The following CTNNA2 variants were observed in gnomAD, a reference collection of about 807,000 sequenced individuals.
The protein encoded by CTNNA2 is catenin alpha-2.
In CTNNA2, 42 loss-of-function variants were observed where a neutral mutation model predicts 101.0. The observed-to-expected ratio is 0.42, with a 90% CI of 0.32 to 0.54. CTNNA2 has a LOEUF of 0.54. Ranked by LOEUF, CTNNA2 falls within the 20% of genes least tolerant of loss-of-function variation. The pLI is 0.14. For synonymous variants in CTNNA2, 450 were observed against 456.4 expected, an observed-to-expected ratio of 0.99 and a Z score of 0.18; for missense variants, 871 against 1,223.1, an observed-to-expected ratio of 0.71 and a Z score of 4.29.
At chr2:79,449,178 A>G (rs1558669099) in intron 4 of CTNNA2, among the ~76,000 whole-genome samples, 1 of 152,046 alleles carries the variant, frequency 6.6e-6, no homozygotes, top group Non-Finnish European at 1.5e-5. Flanking sequence ...AATTGGGAGT[A>G]TAAGGCAGGA....
intron 2 of CTNNA2, among the ~76,000 whole-genome samples, chr2:79,691,318 C>T (rs1171413888): frequency 6.6e-6 from 1 of 151,630 alleles, no homozygotes; most frequent in Non-Finnish European, 1.5e-5. Flanking sequence ...AGTCAGTGAC[C>T]TCCTACATTT....
intron 2 of CTNNA2, among the ~76,000 whole-genome samples, chr2:79,265,524 C>A (rs1573005896): frequency 6.6e-6 from 1 of 152,244 alleles, no homozygotes; most frequent in Non-Finnish European, 1.5e-5. Flanking sequence ...AAAGACAAGC[C>A]TAGATCCCAG....
chr2:79,287,968 C>T (rs550196341), intron 2 of CTNNA2, among the ~76,000 whole-genome samples: 11 of 152,228 alleles, frequency 7.2e-5, no homozygotes, highest in East Asian at 5.8e-4. Context: ...TTTTTTAAGC[C>T]GGTCGGAAAA....
At chr2:79,840,472 GT>G (rs1350703912) in intron 3 of CTNNA2, among the ~76,000 whole-genome samples, 1 of 152,072 alleles carries the variant, frequency 6.6e-6, no homozygotes, top group Non-Finnish European at 1.5e-5. Context: ...TGACTCAGAG[GT>G]TTTCCTTCCA....
rs10176539 is a variant in CTNNA2, at chr2:80,160,220, T to C, written c.1057-232991T>C. 5.2e-4 allele frequency among the ~76,000 whole-genome samples: 79 copies of C among 152,358 alleles called. 1 individual carries two copies. Among genetic ancestry groups the C allele is most frequent in the African/African-American group, 1.5e-3 (61 of 41,588 alleles). On this transcript the variant is annotated intron_variant, in intron 7 of 18. Transcript: ENST00000402739. ...GCTGTAACTATAAAATAAATCTCAA[T>C]ATTGAGTTAAATAGATTCTTCCCTC... is the stretch of plus-strand genomic sequence containing the variant.
intron 7 of CTNNA2, among the ~76,000 whole-genome samples, chr2:80,205,338 C>A (rs1443329066): frequency 6.6e-6 from 1 of 152,028 alleles, no homozygotes; most frequent in Non-Finnish European, 1.5e-5. Context: ...CTTTGAAAAC[C>A]AACAGATCCA....
At chr2:80,137,839 A>T (rs1029362151) in intron 7 of CTNNA2, among the ~76,000 whole-genome samples, 2 of 151,932 alleles carry the variant, frequency 1.3e-5, no homozygotes, top group Non-Finnish European at 2.9e-5. Context: ...TTGGGATTTT[A>T]AACAACAAAG....
chr2:79,886,799 T>C (rs1203509988), intron 6 of CTNNA2, among the ~76,000 whole-genome samples: 2 of 144,720 alleles, frequency 1.4e-5, no homozygotes, highest in African/African-American at 2.6e-5. Context: ...ATGGTCAGAC[T>C]TGTGGGGTTT....
rs569707654 is a variant in CTNNA2 at position 79,678,542 on chromosome 2, C to CAA, written c.102+26898_102+26899dup. 1.9e-3 allele frequency among the ~76,000 whole-genome samples: 187 copies of CAA among 99,052 alleles called. 2 individuals are homozygous for CAA. The highest frequency in any genetic ancestry group is 5.9e-3 in the African/African-American group (160 of 27,018). 65.0% of individuals were successfully genotyped at this position (99,052 alleles called of 152,430 possible). On this transcript the variant is annotated intron_variant, in intron 2 of 18. Transcript: ENST00000402739. ...AGAGCCACACCCTGTCTCAAACAAA[C>CAA]AAAAAAAAAAAAAAAGAAAAAGTCT...
intron 1 of CTNNA2, among the ~76,000 whole-genome samples, chr2:79,584,608 T>A (rs1372221026): frequency 2.0e-5 from 3 of 151,836 alleles, no homozygotes; most frequent in Non-Finnish European, 4.4e-5. Flanking sequence ...CGCTGTAATC[T>A]CTGCCTCCTA....
intron 18 of CTNNA2, among the ~76,000 whole-genome samples, chr2:80,639,648 T>A (rs1355010252): frequency 6.6e-6 from 1 of 152,178 alleles, no homozygotes; most frequent in African/African-American, 2.4e-5. Flanking sequence ...TGATTTAAAA[T>A]CATCCCCAAA....
chr2:80,012,373 G>A (rs1385775650), intron 7 of CTNNA2, among the ~76,000 whole-genome samples: 1 of 152,176 alleles, frequency 6.6e-6, no homozygotes, highest in African/African-American at 2.4e-5. Flanking sequence ...AGCAATTCTT[G>A]AGGCAAATCT....
At chr2:79,326,261 A>G (rs528953823) in intron 3 of CTNNA2, among the ~76,000 whole-genome samples, 1 of 151,922 alleles carries the variant, frequency 6.6e-6, no homozygotes, top group Non-Finnish European at 1.5e-5. Flanking sequence ...CTAAGGGAAC[A>G]TCATATTCAT....
intron 7 of CTNNA2, chr2:80,328,288 C>G: frequency 2.1e-6 from 1 of 471,142 alleles, no homozygotes; most frequent in South Asian, 1.5e-5. Context: ...TCCTTCTTTG[C>G]TCTGTCCTGA....
chr2:80,647,783 T>G lies in CTNNA2; in HGVS notation c.2773T>G (p.Phe925Val). 6.2e-7 allele frequency: 1 copy of G among 1,613,626 alleles called. No homozygotes were observed. Among genetic ancestry groups the G allele is most frequent in the Admixed American group, 1.7e-5 (1 of 59,998 alleles). ...PLVKREKPEEFQTRVRRGSQK... is the reference protein window; with the variant it reads ...PLVKREKPEEVQTRVRRGSQK... ...TGTGAAGAGAGAAAAGCCTGAAGAATTCCAGACACGAGTTCGACGAGGTTC... is the reference window on the plus strand; with the variant it reads ...TGTGAAGAGAGAAAAGCCTGAAGAAGTCCAGACACGAGTTCGACGAGGTTC... Residue 925 changes from phenylalanine (F) to valine (V), a missense_variant, in exon 19 of 19, where the codon TTC becomes GTC. This residue lies in a region of CTNNA2 where 41 missense variants were observed against 45.1 expected (regional missense o/e 0.91). Transcript: ENST00000402739.
chr2:80,271,678 T>C (rs755776103), intron 7 of CTNNA2, among the ~76,000 whole-genome samples: 125 of 152,262 alleles, frequency 8.2e-4, no homozygotes, highest in Middle Eastern at 3.4e-3. Context: ...TGCCTCGGCC[T>C]CCCAAAGTGC....
At chr2:79,734,400 A>G (rs973207122) in intron 2 of CTNNA2, among the ~76,000 whole-genome samples, 13 of 152,242 alleles carry the variant, frequency 8.5e-5, no homozygotes, top group African/African-American at 3.1e-4. Flanking sequence ...CATCAACTGT[A>G]AGATATATAT....
rs541285486 is a variant in CTNNA2, at chr2:79,514,747, T to C, written c.-6+1540T>C. 6 of 152,310 alleles carry C rather than the reference T, an allele frequency of 3.9e-5. 1 individual carries two copies. In the South Asian group the frequency reaches 1.2e-3, roughly 32 times the overall value. The allele number at this position is 152,310 out of a possible 1,614,324, so 9.4% of individuals were successfully genotyped here. ...AGCCTATATTTTGTTCTATTTATATTCTCCTAAAACAACAGACCAAAAAAC... is the reference window on the plus strand; with the variant it reads ...AGCCTATATTTTGTTCTATTTATATCCTCCTAAAACAACAGACCAAAAAAC... On this transcript the variant is annotated intron_variant, in intron 1 of 18. Transcript: ENST00000402739.
intron 4 of CTNNA2, among the ~76,000 whole-genome samples, chr2:79,480,217 A>T (rs547985620): frequency 6.6e-6 from 1 of 152,146 alleles, no homozygotes; most frequent in Non-Finnish European, 1.5e-5. Context: ...GTTCCCTCCC[A>T]CCCAGGGAGG....
Sources: gnomAD v4.1 joint callset for allele counts (sites outside exome capture counted in the v4.1 genomes callset) on GRCh38, gnomAD v4.1.1 for gene constraint, gnomAD v4.1.1 regional missense constraint, MANE v1.5 for transcripts, NCBI Gene and HGNC (gene_info 2026-07-23, HGNC 2026-07-21) for gene names.